The following NEU3 variants were observed in gnomAD, a reference collection of about 807,000 sequenced individuals.
NEU3 encodes neuraminidase 3.
A neutral mutation model predicts 11.4 loss-of-function variants in NEU3; 10 were observed. That is an observed-to-expected ratio of 0.88 (90% CI 0.54 to 1.49). The LOEUF is 1.49. NEU3 is among the 40% of genes most tolerant of loss of function. NEU3 has a pLI of 0.00. For missense variants in NEU3, 529 were observed against 581.8 expected, an observed-to-expected ratio of 0.91 and a Z score of 0.93; for synonymous variants, 212 against 228.2, an observed-to-expected ratio of 0.93 and a Z score of 0.64.
the NEU3 span, among the ~76,000 whole-genome samples, chr11:74,982,655 G>C: frequency 6.6e-6 from 1 of 152,050 alleles, no homozygotes; most frequent in Non-Finnish European, 1.5e-5. Flanking sequence ...TATCCTCCTT[G>C]GCCCCATGGG....
At chr11:74,987,985 T>A (rs1380320258), upstream of NEU3, 1 of 150,604 alleles carries the variant, frequency 6.6e-6, no homozygotes, top group Non-Finnish European at 1.5e-5. Flanking sequence ...CATCATTTTG[T>A]GAGTTCTTTC....
intron 1 of NEU3, among the ~76,000 whole-genome samples, chr11:74,991,514 G>A (rs1948732186): frequency 6.6e-6 from 1 of 152,220 alleles, no homozygotes; most frequent in Non-Finnish European, 1.5e-5. Context: ...TGTCCTGAAA[G>A]CTTCCTGGAA....
rs1394740975 is a variant in NEU3, at chr11:75,010,030, T to G, written c.*3538T>G. 1 of 152,258 alleles carries G rather than the reference T, an allele frequency of 6.6e-6. No individual in the cohort carries two copies. Among genetic ancestry groups the G allele is most frequent in the African/African-American group, 2.4e-5 (1 of 41,464 alleles). 9.4% of individuals were successfully genotyped at this position (152,258 alleles called of 1,614,324 possible). On this transcript the variant is annotated 3_prime_UTR_variant, in exon 3 of 3. Transcript: ENST00000294064. The stretch of plus-strand genomic sequence containing the variant: ...TCTCACTTTTGCCAGATTAGGCTTC[T>G]CACTCTTCTTGAGTAGGCCATAATC...
rs1348557280 is a variant in NEU3 at position 75,006,097 on chromosome 11, T to A, written c.991T>A (p.Ser331Thr). 5.6e-6 allele frequency: 9 copies of A among 1,613,968 alleles called. No homozygotes were observed. The highest frequency in any genetic ancestry group is 7.6e-6 in the Non-Finnish European group (9 of 1,179,884). The change falls in exon 3 of 3, where the codon TCT becomes ACT. Residue 331 changes from serine to threonine, a missense_variant. Coordinates refer to ENST00000294064, the MANE Select transcript of NEU3 (RefSeq NM_006656.6). ...GGAGATCCCACATAGGTGCCAGGACTCTAGCAGCAAAGATGCACCCACCAT... is the reference window on the plus strand; with the variant it reads ...GGAGATCCCACATAGGTGCCAGGACACTAGCAGCAAAGATGCACCCACCAT... ...PLEIPHRCQD[S>T]SSKDAPTIQQ...
At chr11:75,004,507 G>A in intron 2 of NEU3, 1 of 447,316 alleles carries the variant, frequency 2.2e-6, no homozygotes, top group Non-Finnish European at 3.9e-6. Flanking sequence ...CATTTCTGTT[G>A]GATTCCTGGA....
At chr11:75,003,664 CG>C (rs1948867725) in intron 2 of NEU3, among the ~76,000 whole-genome samples, 1 of 152,016 alleles carries the variant, frequency 6.6e-6, no homozygotes, top group South Asian at 2.1e-4. Context: ...CTGAGGCAGG[CG>C]GATCACCTGA....
chr11:74,997,237 G>A (rs1275621426), intron 2 of NEU3, among the ~76,000 whole-genome samples: 1 of 152,182 alleles, frequency 6.6e-6, no homozygotes, highest in Admixed American at 6.5e-5. Flanking sequence ...TGGATAACTG[G>A]CTATAGCTTC....
chr11:74,993,835 T>G (rs952673806), intron 1 of NEU3, among the ~76,000 whole-genome samples: 3 of 152,032 alleles, frequency 2.0e-5, no homozygotes, highest in African/African-American at 7.3e-5. Context: ...GATCTCTAGT[T>G]TTCCTCTTAT....
intron 2 of NEU3, among the ~76,000 whole-genome samples, chr11:74,997,642 G>A (rs1399698217): frequency 1.4e-5 from 2 of 141,730 alleles, no homozygotes; most frequent in African/African-American, 5.3e-5. Flanking sequence ...TCAGGAGTTC[G>A]AGACCAGCCT....
chr11:74,994,827 G>C (rs566758224), intron 2 of NEU3, 107 bp downstream of exon 2: 1 of 1,048,956 alleles, frequency 9.5e-7, no homozygotes, highest in Non-Finnish European at 1.5e-6. Flanking sequence ...AGCCCTGTGT[G>C]GGGAGCAGAG....
intron 1 of NEU3, 69 bp downstream of exon 1, chr11:74,989,223 C>A: frequency 2.3e-6 from 3 of 1,306,682 alleles, no homozygotes; most frequent in Non-Finnish European, 2.2e-6. Context: ...TTGAGCAAGA[C>A]CATCTGCGTT....
At chr11:74,997,690 CAAAAAA>C (rs35900546) in intron 2 of NEU3, among the ~76,000 whole-genome samples, 13 of 97,698 alleles carry the variant, frequency 1.3e-4, no homozygotes, top group East Asian at 2.9e-4. Flanking sequence ...CTAAAAATAC[CAAAAAA>C]AAAAAAAAAA....
At chr11:74,993,738 T>G (rs1948757087) in intron 1 of NEU3, among the ~76,000 whole-genome samples, 1 of 152,124 alleles carries the variant, frequency 6.6e-6, no homozygotes, top group Admixed American at 6.5e-5. Flanking sequence ...CCACATCTGG[T>G]GAGGGCTTTC....
chr11:74,990,173 G>T, intron 1 of NEU3: 1 of 613,144 alleles, frequency 1.6e-6, no homozygotes, highest in Non-Finnish European at 2.9e-6. Flanking sequence ...ACACTTTTGA[G>T]TGGTTCTTCA....
At position 75,006,195 on chromosome 11, in the gene NEU3, G is replaced by C; in HGVS notation, c.1089G>C (p.Leu363Phe). The C allele has an allele frequency of 6.2e-7, 1 of 1,614,002 alleles. No homozygotes were observed. The highest frequency in any genetic ancestry group is 8.5e-7 in the Non-Finnish European group (1 of 1,179,898). Reference sequence around the variant, plus strand: ...GAACACCGTCAGAATCATGGCTCTTGTACTCACACCCAACCAGTAGGAAAC... The same window carrying C: ...GAACACCGTCAGAATCATGGCTCTTCTACTCACACCCAACCAGTAGGAAAC... ...EAGTPSESWL[L>F]YSHPTSRKQR... Residue 363 changes from leucine (L) to phenylalanine (F), a missense_variant, in exon 3 of 3, where the codon TTG (leucine) becomes TTC (phenylalanine). Leu to Phe is a conservative substitution (Grantham distance 22). Coordinates refer to ENST00000294064, the MANE Select transcript of NEU3 (RefSeq NM_006656.6).
At chr11:74,991,808 A>G (rs184682355) in intron 1 of NEU3, among the ~76,000 whole-genome samples, 56 of 152,254 alleles carry the variant, frequency 3.7e-4, no homozygotes, top group African/African-American at 1.3e-3. Flanking sequence ...TCCACTGTTC[A>G]TTCTTTAAGA....
intron 2 of NEU3, among the ~76,000 whole-genome samples, chr11:75,004,968 A>G (rs1254342995): frequency 2.9e-5 from 4 of 139,794 alleles, no homozygotes; most frequent in African/African-American, 1.1e-4. Context: ...TTTAGCACCT[A>G]TTATGTACCA....
chr11:74,988,815 G>A (rs1267037516), upstream of NEU3: 3 of 532,492 alleles, frequency 5.6e-6, no homozygotes, highest in East Asian at 7.0e-5. Flanking sequence ...CTGGAGGGAG[G>A]GGCAGCGCCG....
the NEU3 span, among the ~76,000 whole-genome samples, chr11:74,982,071 G>T: frequency 4.3e-4 from 65 of 152,328 alleles, no homozygotes; most frequent in African/African-American, 1.5e-3. Context: ...TATGGCCATG[G>T]CTGATGAATG....
Sources: allele counts gnomAD v4.1 joint callset (sites outside exome capture counted in the v4.1 genomes callset), GRCh38; gene constraint gnomAD v4.1.1; transcripts MANE v1.5; gene names NCBI Gene and HGNC (gene_info 2026-07-23, HGNC 2026-07-21).